OXR1: variants seen among roughly 807,000 people sequenced by gnomAD.
OXR1 encodes oxidation resistance 1, also known as oxidation resistance protein 1.
OXR1 carries 41 observed loss-of-function variants against 104.6 expected under a neutral mutation model. The ratio of observed to expected loss-of-function variants is 0.39; its 90% CI spans 0.31 to 0.51. The LOEUF is 0.51. OXR1 is among the 20% of genes least tolerant of loss of function. The pLI, the probability that OXR1 is intolerant of heterozygous loss-of-function variation, is 0.77. For missense variants in OXR1, 955 were observed against 1,031.9 expected, an observed-to-expected ratio of 0.93 and a Z score of 1.02; for synonymous variants, 348 against 348.4, an observed-to-expected ratio of 1.00 and a Z score of 0.01.
chr8:106,724,640 A>G (rs1200174216), intron 11 of OXR1, among the ~76,000 whole-genome samples: 1 of 152,200 alleles, frequency 6.6e-6, no homozygotes, highest in Non-Finnish European at 1.5e-5. Context: ...ATTCTGGTAT[A>G]ACAAATACTC....
intron 1 of OXR1, among the ~76,000 whole-genome samples, chr8:106,319,165 A>T (rs758125029): frequency 1.1e-4 from 17 of 152,154 alleles, no homozygotes; most frequent in Non-Finnish European, 2.1e-4. Flanking sequence ...ATGGGTTCTT[A>T]TTTCCATGAG....
chr8:106,362,101 T>A (rs1466568048), intron 2 of OXR1, among the ~76,000 whole-genome samples: 1 of 152,160 alleles, frequency 6.6e-6, no homozygotes, highest in African/African-American at 2.4e-5. Flanking sequence ...TCTTCGTGTC[T>A]AGGAGTTGGA....
rs115435647 is a variant in OXR1, at chr8:106,312,364, G to A, written c.-139+41997G>A. ...AGCAGTCTTAGAAGAGTGTCCTCAG[G>A]GTATGGTGGCTGGCTTCCGCCAGAG... On this transcript the variant is annotated intron_variant, in intron 1 of 16. Transcript: ENST00000517566. 6.7e-3 allele frequency among the ~76,000 whole-genome samples: 1,023 copies of A among 152,306 alleles called. 4 individuals carry two copies. Among genetic ancestry groups the A allele is most frequent in the African/African-American group, 0.022 (916 of 41,568 alleles).
At position 106,715,418 on chromosome 8, in the gene OXR1, G is replaced by A. The variant is rs192672785; in HGVS notation, c.1956+1433G>A. ...AAAATATATATAATATATATAATAC[G>A]TATATAATATATATATGTATCTTAT... On this transcript the variant is annotated intron_variant, in intron 11 of 16. Transcript: ENST00000517566. Among the ~76,000 whole-genome samples, 290 of 147,232 alleles carry A rather than the reference G, an allele frequency of 2.0e-3. 1 individual carries two copies. In the Middle Eastern group the frequency reaches 0.046, roughly 24 times the overall value.
In OXR1 at chr8:106,310,679, G is replaced by A. The variant is rs752659012; in HGVS notation, c.-139+40312G>A. On this transcript the variant is annotated intron_variant, in intron 1 of 16. Coordinates refer to ENST00000517566, the MANE Select transcript of OXR1 (RefSeq NM_001198533.2). ...TCACATTTGATTGATAGTATAATAG[G>A]TACAGGAATATAGGTTAGAAATAAG... 5.9e-5 allele frequency among the ~76,000 whole-genome samples: 9 copies of A among 152,258 alleles called. 1 individual carries two copies. The Middle Eastern group carries it at 0.01, about 173-fold the overall frequency.
chr8:106,338,650 G>C (rs1040291504), intron 1 of OXR1, among the ~76,000 whole-genome samples: 15 of 151,300 alleles, frequency 9.9e-5, no homozygotes, highest in African/African-American at 3.2e-4. Flanking sequence ...TTCTGCTATA[G>C]CCCAGTGGGA....
intron 3 of OXR1, among the ~76,000 whole-genome samples, chr8:106,644,287 G>A (rs186165705): frequency 9.7e-4 from 148 of 152,196 alleles, no homozygotes; most frequent in African/African-American, 3.4e-3. Flanking sequence ...ATATAGACAT[G>A]GCAAGAGACA....
At chr8:106,611,566 C>T (rs942376633) in intron 3 of OXR1, among the ~76,000 whole-genome samples, 2 of 152,118 alleles carry the variant, frequency 1.3e-5, no homozygotes, top group South Asian at 4.2e-4. Context: ...TTGGATAGAC[C>T]CTGGAGAACC....
intron 3 of OXR1, among the ~76,000 whole-genome samples, chr8:106,671,679 G>A (rs1347143790): frequency 1.3e-5 from 2 of 151,934 alleles, no homozygotes; most frequent in Non-Finnish European, 2.9e-5. Flanking sequence ...GGACATGGAT[G>A]AAGCTGGAAA....
At chr8:106,513,306 T>G (rs1812654847) in intron 2 of OXR1, among the ~76,000 whole-genome samples, 1 of 152,078 alleles carries the variant, frequency 6.6e-6, no homozygotes, top group African/African-American at 2.4e-5. Context: ...TCAAGATCCC[T>G]CCTCAAATTG....
At chr8:106,308,943 G>C (rs1251709503) in intron 1 of OXR1, among the ~76,000 whole-genome samples, 1 of 151,868 alleles carries the variant, frequency 6.6e-6, no homozygotes, top group Non-Finnish European at 1.5e-5. Flanking sequence ...GAAAAGCTCT[G>C]GTACTACTGG....
intron 3 of OXR1, among the ~76,000 whole-genome samples, chr8:106,551,664 A>T (rs933352016): frequency 1.3e-5 from 2 of 151,580 alleles, no homozygotes; most frequent in Non-Finnish European, 2.9e-5. Flanking sequence ...AGGAGTGGGT[A>T]TGTCTGGGCA....
rs567538882 is a variant in OXR1, at chr8:106,371,142, G to A, written c.23+11506G>A. Among the ~76,000 whole-genome samples the A allele has an allele frequency of 1.6e-4, 24 of 152,040 alleles. 1 individual carries two copies. Among genetic ancestry groups the A allele is most frequent in the Admixed American group, 1.2e-3 (18 of 15,252 alleles). Reference sequence around the variant, plus strand: ...GGTTTAGTCTTGGTAGCATGTATGCGTCCAGGAATTTATCCATTTCTTCTA... The same window carrying A: ...GGTTTAGTCTTGGTAGCATGTATGCATCCAGGAATTTATCCATTTCTTCTA... On this transcript the variant is annotated intron_variant, in intron 2 of 16. Coordinates refer to ENST00000517566, the MANE Select transcript of OXR1 (RefSeq NM_001198533.2).
chr8:106,324,744 C>T (rs1331112562), intron 1 of OXR1, among the ~76,000 whole-genome samples: 2 of 152,124 alleles, frequency 1.3e-5, no homozygotes, highest in African/African-American at 4.8e-5. Flanking sequence ...ATTGCCTGTG[C>T]ATTTTCTCAC....
At chr8:106,421,132 T>TATTTAA (rs1163999969) in intron 2 of OXR1, among the ~76,000 whole-genome samples, 1 of 152,138 alleles carries the variant, frequency 6.6e-6, no homozygotes, top group Non-Finnish European at 1.5e-5. Flanking sequence ...AATTTTAACA[T>TATTTAA]ATTTAATACC....
intron 2 of OXR1, among the ~76,000 whole-genome samples, chr8:106,423,561 C>A (rs919923223): frequency 6.6e-6 from 1 of 152,206 alleles, no homozygotes; most frequent in African/African-American, 2.4e-5. Context: ...TTTATTCTCT[C>A]AGCCTCTGTT....
intron 1 of OXR1, among the ~76,000 whole-genome samples, chr8:106,331,808 G>A (rs1427524423): frequency 6.6e-6 from 1 of 151,904 alleles, no homozygotes; most frequent in Non-Finnish European, 1.5e-5. Context: ...TGGCATGGTG[G>A]CATGCACCTG....
intron 2 of OXR1, among the ~76,000 whole-genome samples, chr8:106,489,514 A>C (rs1292700428): frequency 6.6e-6 from 1 of 152,202 alleles, no homozygotes; most frequent in East Asian, 1.9e-4. Flanking sequence ...GACATATATC[A>C]TATCTTATAT....
intron 2 of OXR1, among the ~76,000 whole-genome samples, chr8:106,400,786 C>A (rs1378321158): frequency 1.3e-5 from 2 of 152,128 alleles, no homozygotes; most frequent in African/African-American, 2.4e-5. Context: ...TAATTGCAAT[C>A]TGTAAATAAA....
Sources: allele counts gnomAD v4.1 joint callset (sites outside exome capture counted in the v4.1 genomes callset), GRCh38; gene constraint gnomAD v4.1.1; transcripts MANE v1.5; gene names NCBI Gene and HGNC (gene_info 2026-07-23, HGNC 2026-07-21).